The following CCPG1 variants were observed in gnomAD, a reference collection of about 807,000 sequenced individuals.
The protein encoded by CCPG1 is cell cycle progression protein 1.
CCPG1 carries 46 observed loss-of-function variants against 81.3 expected under a neutral mutation model. The observed-to-expected ratio is 0.57, with a 90% CI of 0.45 to 0.72. CCPG1 has a LOEUF of 0.72. Among genes scored for constraint, CCPG1 ranks in the 30% least tolerant of loss-of-function variants. The probability of loss-of-function intolerance (pLI) is 0.00; values close to 1 mark genes in which losing one functional copy is unlikely to be tolerated. For synonymous variants in CCPG1, 330 were observed against 305.2 expected (o/e 1.08, Z -0.85); for missense variants, 902 against 937.6 (o/e 0.96, Z 0.50).
At chr15:55,357,217 T>A (rs1595815681) in intron 8 of CCPG1, 2 of 892,762 alleles carry the variant, frequency 2.2e-6, no homozygotes, top group Non-Finnish European at 2.6e-6. Context: ...GAATTCCCTA[T>A]CTCAGTGGTA....
intron 6 of CCPG1, 109 bp from the exon 7 acceptor site, chr15:55,365,418 TGTTTTTTTTTTTTG>T (rs2056302906): frequency 1.6e-6 from 1 of 624,496 alleles, no homozygotes; most frequent in Non-Finnish European, 2.6e-6. Flanking sequence ...GTCTTTTTTT[TGTTTTTTTTTTTTG>T]TTTTTTTTTT....
intron 1 of CCPG1, among the ~76,000 whole-genome samples, chr15:55,406,854 T>C (rs892365558): frequency 2.0e-5 from 3 of 152,214 alleles, no homozygotes; most frequent in Non-Finnish European, 4.4e-5. Context: ...CACCTTTAAA[T>C]TGTATTTGGG....
chr15:55,357,009 G>C (rs1359135532), intron 8 of CCPG1: 2 of 985,310 alleles, frequency 2.0e-6, no homozygotes, highest in African/African-American at 3.5e-5. Flanking sequence ...GGATTTTCAA[G>C]GTACCACTCC....
intron 8 of CCPG1, chr15:55,359,023 A>G (rs2056137260): frequency 1.0e-6 from 1 of 982,266 alleles, no homozygotes; most frequent in African/African-American, 1.7e-5. Context: ...TTGTGCCTCT[A>G]CCTTTATCAA....
At position 55,356,220 on chromosome 15, in the gene CCPG1, T is replaced by C. The variant is rs2141234409; in HGVS notation, c.2424A>G (p.Ter808TrpextTer7). The change falls in exon 9 of 9, where the codon TGA becomes TGG. Residue 808 changes from the stop codon to tryptophan, a stop_lost. Coordinates refer to ENST00000442196, the MANE Select transcript of CCPG1 (RefSeq NM_001204450.2). The stretch of plus-strand genomic sequence containing the variant: ...TTGTCTAATTTAACTCAATTGTGAA[T>C]CAGTATTGAGGATCAAAAGGTAATT... ...LGQLPFDPQY[*>W] 6.5e-7 allele frequency: 1 copy of C among 1,527,534 alleles called. No individual in the cohort carries two copies. Among genetic ancestry groups the C allele is most frequent in the African/African-American group, 1.4e-5 (1 of 72,818 alleles). The allele number at this position is 1,527,534 out of a possible 1,614,324, so 94.6% of individuals were successfully genotyped here. A position where few individuals can be genotyped will look rare whatever the true frequency, so the allele number is the denominator to read the frequency against.
intron 6 of CCPG1, among the ~76,000 whole-genome samples, chr15:55,369,095 G>C (rs940826230): frequency 4.0e-5 from 6 of 150,480 alleles, no homozygotes; most frequent in Non-Finnish European, 7.4e-5. Flanking sequence ...CTGGGGAACA[G>C]AGCAAGACTC....
intron 1 of CCPG1, among the ~76,000 whole-genome samples, chr15:55,394,484 C>T (rs541490677): frequency 3.4e-3 from 515 of 152,164 alleles, no homozygotes; most frequent in Non-Finnish European, 5.7e-3. Context: ...AAGCTTCCCT[C>T]CTTCCCTTTG....
At position 55,358,710 on chromosome 15, in the gene CCPG1, T is replaced by C. The variant is rs568105547; in HGVS notation, c.2234+829A>G. Reference sequence around the variant, plus strand: ...CACCATGCCCCATACCTTAATTTCATTTATTTACTTAGCTTGTGAGCTCCT... The same window carrying C: ...CACCATGCCCCATACCTTAATTTCACTTATTTACTTAGCTTGTGAGCTCCT... On this transcript the variant is annotated intron_variant, in intron 8 of 8. Coordinates refer to ENST00000442196, the MANE Select transcript of CCPG1 (RefSeq NM_001204450.2). The C allele has an allele frequency of 3.9e-4, 387 of 985,458 alleles. 6 individuals carry two copies. In the South Asian group the frequency reaches 0.015, roughly 39 times the overall value. The allele number at this position is 985,458 out of a possible 1,614,324, so 61.0% of individuals were successfully genotyped here.
intron 2 of CCPG1, among the ~76,000 whole-genome samples, chr15:55,388,412 T>C (rs2056847239): frequency 6.6e-6 from 1 of 152,220 alleles, no homozygotes; most frequent in Non-Finnish European, 1.5e-5. Context: ...GATAGGGTTC[T>C]GGCCTTTTCC....
intron 8 of CCPG1, chr15:55,358,513 A>T: frequency 1.0e-6 from 1 of 985,370 alleles, no homozygotes; most frequent in Non-Finnish European, 1.2e-6. Flanking sequence ...CTGCTTCCTT[A>T]AAGCAGTGTA....
At chr15:55,407,327 G>T (rs2057255311) in intron 1 of CCPG1, among the ~76,000 whole-genome samples, 1 of 151,978 alleles carries the variant, frequency 6.6e-6, no homozygotes, top group Non-Finnish European at 1.5e-5. Flanking sequence ...ATTCACACTG[G>T]ATGTGTGTGA....
chr15:55,356,127 T>C lies in CCPG1; in HGVS notation c.*93A>G. ...TACTTAGAAACAAAAGAAAAGACAT[T>C]GTCATCTTGGTAATTTCATTAGTTT... On this transcript the variant is annotated 3_prime_UTR_variant, in exon 9 of 9. Coordinates refer to ENST00000442196, the MANE Select transcript of CCPG1 (RefSeq NM_001204450.2). 1 of 918,976 alleles carries C rather than the reference T, an allele frequency of 1.1e-6. No homozygotes were observed. Among genetic ancestry groups the C allele is most frequent in the South Asian group, 1.6e-5 (1 of 60,960 alleles). 56.9% of individuals were successfully genotyped at this position (918,976 alleles called of 1,614,324 possible). A position where few individuals can be genotyped will look rare whatever the true frequency, so the allele number is the denominator to read the frequency against.
chr15:55,380,450 C>T (rs1378152536), intron 3 of CCPG1, among the ~76,000 whole-genome samples: 2 of 151,546 alleles, frequency 1.3e-5, no homozygotes, highest in Non-Finnish European at 1.5e-5. Context: ...CGCCCACCAC[C>T]ACGCCCGGCT....
At position 55,392,149 on chromosome 15, in the gene CCPG1, TA is replaced by T. The variant is rs543332391; in HGVS notation, c.-9-2717del. Among the ~76,000 whole-genome samples, 298 of 150,062 alleles carry T rather than the reference TA, an allele frequency of 2.0e-3. 1 individual carries two copies. The highest frequency in any genetic ancestry group is 6.9e-3 in the African/African-American group (285 of 41,042). On this transcript the variant is annotated intron_variant, in intron 1 of 8. Coordinates refer to ENST00000442196, the MANE Select transcript of CCPG1 (RefSeq NM_001204450.2). The stretch of plus-strand genomic sequence containing the variant: ...AATGTAAAAGAATATGAAAGTTCTT[TA>T]AAAAAATAAAAAATAAAAAAGACAA...
chr15:55,360,470 C>A lies in CCPG1; in HGVS notation c.1303G>T (p.Glu435Ter), dbSNP rs1265051049. Residue 435 changes from glutamate to a stop codon, truncating the protein, a stop_gained, in exon 8 of 9, where the codon GAA (glutamate) becomes TAA (stop). Transcript: ENST00000442196. LOFTEE classifies it high-confidence loss of function. ...TGCTGTTCGAAGGTTAGCTTCCGTTCCAGCTCAGTGAGTCTTTCCCGTAAG... is the reference window on the plus strand; with the variant it reads ...TGCTGTTCGAAGGTTAGCTTCCGTTACAGCTCAGTGAGTCTTTCCCGTAAG... Reference protein sequence around the residue: ...AILRERLTELERKLTFEQQRS... With the variant: ...AILRERLTEL 3 of 1,613,994 alleles carry A rather than the reference C, an allele frequency of 1.9e-6. No homozygotes were observed. In the African/African-American group the frequency reaches 4.0e-5, roughly 22 times the overall value.
intron 5 of CCPG1, chr15:55,372,645 C>A (rs566743374): frequency 8.6e-6 from 2 of 231,954 alleles, no homozygotes; most frequent in African/African-American, 4.7e-5. Context: ...GGAGACAGAG[C>A]AAAACTCTGT....
At chr15:55,390,555 G>C (rs1338748537) in intron 1 of CCPG1, among the ~76,000 whole-genome samples, 1 of 152,200 alleles carries the variant, frequency 6.6e-6, no homozygotes, top group Non-Finnish European at 1.5e-5. Flanking sequence ...TATGGAACTA[G>C]TGCTCAAATG....
At chr15:55,379,139 T>C (rs902892095) in intron 3 of CCPG1, among the ~76,000 whole-genome samples, 11 of 128,682 alleles carry the variant, frequency 8.5e-5, no homozygotes, top group Non-Finnish European at 1.5e-4. Context: ...CTATGATTTA[T>C]GAAAGTATGT....
In CCPG1 at chr15:55,358,190, G is replaced by C. The variant is rs775294404; in HGVS notation, c.2234+1349C>G. On this transcript the variant is annotated intron_variant, in intron 8 of 8. Transcript: ENST00000442196. ...AGTGAAAGGGTGAAGGTTCTCAAGA[G>C]AAATAAAAGTATGCTGAGATTGGTA... The C allele has an allele frequency of 8.1e-4, 180 of 221,236 alleles. 4 individuals carry two copies. The highest frequency in any genetic ancestry group is 2.7e-4 in the Non-Finnish European group (36 of 131,132). 13.7% of individuals were successfully genotyped at this position (221,236 alleles called of 1,614,324 possible). A position where few individuals can be genotyped will look rare whatever the true frequency, so the allele number is the denominator to read the frequency against.
Sources: gnomAD v4.1 joint callset for allele counts (sites outside exome capture counted in the v4.1 genomes callset) on GRCh38, gnomAD v4.1.1 for gene constraint, MANE v1.5 for transcripts, NCBI Gene and HGNC (gene_info 2026-07-23, HGNC 2026-07-21) for gene names.